ABCC1: variants seen among roughly 807,000 people sequenced by gnomAD.
The protein encoded by ABCC1 is ATP binding cassette subfamily C member 1 (ABCC1 blood group).
ABCC1 carries 83 observed loss-of-function variants against 172.9 expected under a neutral mutation model. That is an observed-to-expected ratio of 0.48 (90% CI 0.40 to 0.58). The LOEUF (loss-of-function observed/expected upper bound fraction) is 0.58. Among genes scored for constraint, ABCC1 ranks in the 20% least tolerant of loss-of-function variants. The probability of loss-of-function intolerance (pLI) is 0.00; values close to 1 mark genes in which losing one functional copy is unlikely to be tolerated. For missense variants in ABCC1, 1,817 were observed against 2,002.7 expected, an observed-to-expected ratio of 0.91 and a Z score of 1.77; for synonymous variants, 937 against 825.2, an observed-to-expected ratio of 1.14 and a Z score of -2.32.
At chr16:16,010,533 A>G (rs1191900955) in intron 3 of ABCC1, among the ~76,000 whole-genome samples, 5 of 152,046 alleles carry the variant, frequency 3.3e-5, no homozygotes, top group Non-Finnish European at 7.4e-5. Flanking sequence ...TTGAGTTTTC[A>G]CTATCTGGCA....
intron 5 of ABCC1, among the ~76,000 whole-genome samples, chr16:16,028,736 C>A (rs1320065060): frequency 6.6e-6 from 1 of 152,250 alleles, no homozygotes; most frequent in East Asian, 1.9e-4. Flanking sequence ...TCCTGGCAGT[C>A]CCGGGGGATA....
chr16:16,019,785 C>T (rs546464532), intron 5 of ABCC1, among the ~76,000 whole-genome samples: 1 of 152,286 alleles, frequency 6.6e-6, no homozygotes, highest in South Asian at 2.1e-4. Context: ...ATGAAGCTCT[C>T]AGCTCTGGCG....
intron 19 of ABCC1, among the ~76,000 whole-genome samples, chr16:16,102,137 G>A (rs1315386552): frequency 6.6e-6 from 1 of 152,196 alleles, no homozygotes; most frequent in East Asian, 1.9e-4. Context: ...TTAACTCCTG[G>A]CACTACAGGG....
chr16:15,973,143 C>T (rs900857910), intron 1 of ABCC1, among the ~76,000 whole-genome samples: 5 of 151,880 alleles, frequency 3.3e-5, no homozygotes, highest in South Asian at 2.1e-4. Context: ...ACAAAGTTAT[C>T]GCAAAAGGAA....
chr16:15,992,045 G>A (rs1263920732), intron 1 of ABCC1, among the ~76,000 whole-genome samples: 1 of 152,100 alleles, frequency 6.6e-6, no homozygotes. Flanking sequence ...CACCGCCTGA[G>A]CTCTGCCTCC....
intron 16 of ABCC1, among the ~76,000 whole-genome samples, chr16:16,082,107 TC>T (rs1298903737): frequency 6.6e-6 from 1 of 152,220 alleles, no homozygotes; most frequent in African/African-American, 2.4e-5. Flanking sequence ...TGGTGTGTTT[TC>T]TGCCAGTCGT....
chr16:16,052,415 C>T (rs931249601), intron 10 of ABCC1, among the ~76,000 whole-genome samples: 1 of 148,978 alleles, frequency 6.7e-6, no homozygotes, highest in African/African-American at 2.5e-5. Flanking sequence ...GGCAACATAG[C>T]GAGACCTCAT....
rs200660372 is a variant in ABCC1 at position 16,131,780 on chromosome 16, C to T, written c.3820-9C>T. On this transcript the variant is annotated splice_polypyrimidine_tract_variant and intron_variant, in intron 26 of 30. Coordinates refer to ENST00000399410, the MANE Select transcript of ABCC1 (RefSeq NM_004996.4). ...AATTCCTTACTCTCTCCCTTCACTGCGATCGAAGGCGCCCTGGCAAATCCA... is the reference window on the plus strand; with the variant it reads ...AATTCCTTACTCTCTCCCTTCACTGTGATCGAAGGCGCCCTGGCAAATCCA... 6.4e-5 allele frequency: 103 copies of T among 1,612,368 alleles called. No individual in the cohort carries two copies. The East Asian group carries it at 9.4e-4, about 15-fold the overall frequency.
At chr16:15,952,628 G>A (rs1294611117) in intron 1 of ABCC1, among the ~76,000 whole-genome samples, 5 of 150,248 alleles carry the variant, frequency 3.3e-5, no homozygotes, top group Non-Finnish European at 7.4e-5. Context: ...CTTTTCTCAT[G>A]GGGGTGGGAC....
At chr16:15,999,858 C>CTTTCTTTCTTTCTTTCT (rs796657404) in intron 1 of ABCC1, among the ~76,000 whole-genome samples, 32 of 43,236 alleles carry the variant, frequency 7.4e-4, no homozygotes, top group Middle Eastern at 0.013. Flanking sequence ...TTCTTTCTTT[C>CTTTCTTTCTTTCTTTCT]TTTCTTTCTT....
At chr16:16,043,294 CT>C (rs976155699) in intron 7 of ABCC1, among the ~76,000 whole-genome samples, 2 of 63,332 alleles carry the variant, frequency 3.2e-5, no homozygotes, top group South Asian at 5.6e-4. Flanking sequence ...GATTGTTGTT[CT>C]TTTTTTTGTT....
intron 1 of ABCC1, among the ~76,000 whole-genome samples, chr16:15,967,268 G>A (rs185784247): frequency 2.0e-5 from 3 of 152,164 alleles, no homozygotes; most frequent in African/African-American, 7.2e-5. Flanking sequence ...AAGTTCAGGA[G>A]CCTAGGTTTG....
rs753254763 is a variant in ABCC1, at chr16:16,007,950, C to T, written c.183C>T (p.Asp61=). ...ACTTCCTCTATCTCTCCCGACATGA[C>T]CGAGGCTACATTCAGATGACACCTC... ...PFYFLYLSRH[D]RGYIQMTPLN... Residue 61 remains aspartate, a synonymous_variant, in exon 2 of 31, where the codon GAC becomes GAT. Coordinates refer to ENST00000399410, the MANE Select transcript of ABCC1 (RefSeq NM_004996.4). 3.7e-6 allele frequency: 6 copies of T among 1,608,492 alleles called. No homozygotes were observed. The highest frequency in any genetic ancestry group is 5.1e-6 in the Non-Finnish European group (6 of 1,178,228).
chr16:16,040,068 A>G (rs776739469), intron 7 of ABCC1, among the ~76,000 whole-genome samples: 2 of 105,880 alleles, frequency 1.9e-5, no homozygotes, highest in African/African-American at 7.2e-5. Flanking sequence ...GTTTGTTTGT[A>G]TGTATGTATG....
At chr16:16,108,997 C>T (rs1261871838) in intron 21 of ABCC1, among the ~76,000 whole-genome samples, 2 of 151,978 alleles carry the variant, frequency 1.3e-5, no homozygotes, top group Non-Finnish European at 2.9e-5. Flanking sequence ...GCAACTTGGC[C>T]GCATGACAAA....
At chr16:16,098,937 A>G (rs2051604633) in intron 19 of ABCC1, 1 of 1,350,754 alleles carries the variant, frequency 7.4e-7, no homozygotes, top group African/African-American at 1.5e-5. Context: ...GGCTTGGCTC[A>G]TAGAATGAGG....
intron 19 of ABCC1, among the ~76,000 whole-genome samples, chr16:16,093,101 G>T (rs2051318453): frequency 6.6e-6 from 1 of 151,970 alleles, no homozygotes; most frequent in South Asian, 2.1e-4. Flanking sequence ...CCTTGTGGTT[G>T]GGAAGTTCTA....
At chr16:16,076,851 G>A (rs1224050745) in intron 15 of ABCC1, among the ~76,000 whole-genome samples, 1 of 152,182 alleles carries the variant, frequency 6.6e-6, no homozygotes, top group Non-Finnish European at 1.5e-5. Context: ...GTATCCCACT[G>A]TTAGGAGAAC....
At chr16:16,123,072 C>T (rs1272549945) in intron 24 of ABCC1, among the ~76,000 whole-genome samples, 1 of 152,104 alleles carries the variant, frequency 6.6e-6, no homozygotes, top group Non-Finnish European at 1.5e-5. Context: ...GTCCCATAAC[C>T]ATTAGCCCGT....
Sources: gnomAD v4.1 joint callset for allele counts (sites outside exome capture counted in the v4.1 genomes callset) on GRCh38, gnomAD v4.1.1 for gene constraint, MANE v1.5 for transcripts, NCBI Gene and HGNC (gene_info 2026-07-23, HGNC 2026-07-21) for gene names.